Variants in DGKI observed in about 807,000 individuals in gnomAD.
DGKI encodes the protein DAG kinase iota.
Under a neutral mutation model 147.5 loss-of-function variants are expected in DGKI, and 55 were observed. The ratio of observed to expected loss-of-function variants is 0.37; its 90% CI spans 0.30 to 0.47. The LOEUF (loss-of-function observed/expected upper bound fraction) is 0.47. Ranked by LOEUF, DGKI falls within the 20% of genes least tolerant of loss-of-function variation. DGKI has a pLI of 1.00. For missense variants in DGKI, 1,007 were observed against 1,323.8 expected (o/e 0.76, Z 3.71); for synonymous variants, 469 against 477.1 (o/e 0.98, Z 0.22).
At chr7:137,469,197 T>C (rs969014906) in intron 24 of DGKI, among the ~76,000 whole-genome samples, 2 of 152,184 alleles carry the variant, frequency 1.3e-5, no homozygotes, top group African/African-American at 4.8e-5. Context: ...GCAAATAACA[T>C]AGAAATTATA....
intron 21 of DGKI, among the ~76,000 whole-genome samples, chr7:137,490,777 G>C (rs1268444801): frequency 6.6e-6 from 1 of 152,168 alleles, no homozygotes; most frequent in Non-Finnish European, 1.5e-5. Context: ...CACTATCCCT[G>C]AGCTCAACAA....
intron 1 of DGKI, among the ~76,000 whole-genome samples, chr7:137,695,001 A>G (rs1036413052): frequency 6.6e-6 from 1 of 152,212 alleles, no homozygotes; most frequent in East Asian, 1.9e-4. Flanking sequence ...TATTGAACCA[A>G]AGGTTGTGTT....
At chr7:137,440,709 T>C (rs1813466672) in intron 28 of DGKI, among the ~76,000 whole-genome samples, 1 of 152,206 alleles carries the variant, frequency 6.6e-6, no homozygotes, top group South Asian at 2.1e-4. Context: ...TGAAAGGACA[T>C]AAGGCAGTTG....
chr7:137,459,458 C>T lies in DGKI; in HGVS notation c.2735+4031G>A, dbSNP rs549638562. ...AATTTTGTTTTATTTATCTTTTCAA[C>T]GAATTTTTTAAATTTTTTTTTTTTT... On this transcript the variant is annotated intron_variant, in intron 27 of 32. Coordinates refer to ENST00000614521, the MANE Select transcript of DGKI (RefSeq NM_001321708.2). 2.3e-4 allele frequency among the ~76,000 whole-genome samples: 35 copies of T among 149,118 alleles called. 1 individual carries two copies. In the South Asian group the frequency reaches 6.6e-3, roughly 28 times the overall value.
chr7:137,654,811 T>C, intron 4 of DGKI, 23 bp from the exon 5 acceptor site: 2 of 1,497,578 alleles, frequency 1.3e-6, no homozygotes, highest in Non-Finnish European at 9.3e-7. Flanking sequence ...AAGAAAAGTA[T>C]ATTATATTAG....
At chr7:137,517,287 G>GAAAAGAA (rs1177062267) in intron 21 of DGKI, among the ~76,000 whole-genome samples, 2 of 78,146 alleles carry the variant, frequency 2.6e-5, no homozygotes, top group African/African-American at 1.1e-4. Context: ...GAAAAAGAAA[G>GAAAAGAA]AAAGAAAGAA....
intron 1 of DGKI, among the ~76,000 whole-genome samples, chr7:137,764,135 C>G (rs935931658): frequency 1.2e-4 from 19 of 152,256 alleles, no homozygotes; most frequent in African/African-American, 4.6e-4. Context: ...GATGCTCACC[C>G]TAGATGTGAA....
chr7:137,522,149 A>G (rs1234419923), intron 20 of DGKI, among the ~76,000 whole-genome samples, 183 bp from the exon 21 acceptor site: 1 of 152,134 alleles, frequency 6.6e-6, no homozygotes, highest in African/African-American at 2.4e-5. Context: ...TCCAGAAACC[A>G]AAAGTTTCTG....
At chr7:137,657,668 T>C (rs924791409) in intron 3 of DGKI, among the ~76,000 whole-genome samples, 5 of 152,168 alleles carry the variant, frequency 3.3e-5, no homozygotes, top group African/African-American at 7.2e-5. Context: ...GTGTGAAAGG[T>C]CCTGAGTTCC....
chr7:137,664,377 CAAAAAA>C (rs1190186766), intron 3 of DGKI, among the ~76,000 whole-genome samples: 1,704 of 56,000 alleles, frequency 0.03, 15 homozygotes, highest in South Asian at 0.15. Flanking sequence ...GACTCCATCT[CAAAAAA>C]AAAAAAAAAA....
chr7:137,693,623 T>A (rs1392740071), intron 1 of DGKI, among the ~76,000 whole-genome samples: 1 of 152,206 alleles, frequency 6.6e-6, no homozygotes. Context: ...CATCTACTAA[T>A]CTTAATTACA....
At chr7:137,471,981 A>G (rs1814918265) in intron 23 of DGKI, among the ~76,000 whole-genome samples, 1 of 139,924 alleles carries the variant, frequency 7.1e-6, no homozygotes, top group South Asian at 2.2e-4. Flanking sequence ...ATGTGTATAT[A>G]TACATTATAT....
At chr7:137,426,725 A>G (rs1812824223) in intron 28 of DGKI, among the ~76,000 whole-genome samples, 1 of 149,250 alleles carries the variant, frequency 6.7e-6, no homozygotes, top group Non-Finnish European at 1.5e-5. Flanking sequence ...CAAATGGAAA[A>G]CAAAAAAAGG....
chr7:137,606,614 A>G (rs900120812), intron 10 of DGKI, among the ~76,000 whole-genome samples: 1 of 152,214 alleles, frequency 6.6e-6, no homozygotes, highest in Non-Finnish European at 1.5e-5. Flanking sequence ...TCATACGCAC[A>G]TTAAATTCCA....
chr7:137,581,866 C>T lies in DGKI; in HGVS notation c.1626G>A (p.Glu542=), dbSNP rs1162887886. 1.9e-6 allele frequency: 3 copies of T among 1,613,174 alleles called. No homozygotes were observed. Among genetic ancestry groups the T allele is most frequent in the Non-Finnish European group, 2.5e-6 (3 of 1,179,214 alleles). ...TGTCCTCACCTCTGGATTCATGGAA[C>T]TCCAGTGTGACATGGGCATCAAATC... ...SLGFDAHVTL[E]FHESREANPE... The change falls in exon 15 of 33, where the codon GAG becomes GAA. Residue 542 remains glutamate, a synonymous_variant. Transcript: ENST00000614521.
Position 137,535,203 on chromosome 7 carries a change from C to T in DGKI, c.2148-13237G>A, listed in dbSNP as rs182094210. Among the ~76,000 whole-genome samples, 538 of 152,190 alleles carry T rather than the reference C, an allele frequency of 3.5e-3. 3 individuals are homozygous for T. Among genetic ancestry groups the T allele is most frequent in the South Asian group, 0.024 (116 of 4,816 alleles). ...AAGAACTAACTCCTTTTGTTCTAAT[C>T]CTACAACTAGTGTTTATAAAAAGAT... On this transcript the variant is annotated intron_variant, in intron 20 of 32. Coordinates refer to ENST00000614521, the MANE Select transcript of DGKI (RefSeq NM_001321708.2).
At chr7:137,709,328 C>T (rs1794146594) in intron 1 of DGKI, among the ~76,000 whole-genome samples, 1 of 152,018 alleles carries the variant, frequency 6.6e-6, no homozygotes, top group Non-Finnish European at 1.5e-5. Flanking sequence ...AGAGAGGATA[C>T]AGTCAGCATA....
At chr7:137,556,875 T>C (rs1482374597) in intron 19 of DGKI, among the ~76,000 whole-genome samples, 1 of 152,354 alleles carries the variant, frequency 6.6e-6, no homozygotes, top group South Asian at 2.1e-4. Flanking sequence ...TCAAACATTC[T>C]AGATGCTTCT....
chr7:137,649,681 T>C (rs1006617716), intron 5 of DGKI, among the ~76,000 whole-genome samples: 18 of 151,484 alleles, frequency 1.2e-4, no homozygotes, highest in Non-Finnish European at 4.4e-5. Flanking sequence ...TGCACCAAAA[T>C]CTCACAAATC....
Sources: gnomAD v4.1 joint callset for allele counts (sites outside exome capture counted in the v4.1 genomes callset) on GRCh38, gnomAD v4.1.1 for gene constraint, MANE v1.5 for transcripts, NCBI Gene and HGNC (gene_info 2026-07-23, HGNC 2026-07-21) for gene names.